CEP170B: variants seen among roughly 807,000 people sequenced by gnomAD.
CEP170B encodes the protein centrosomal protein 170B.
In CEP170B, 55 loss-of-function variants were observed where a neutral mutation model predicts 120.6. The ratio of observed to expected loss-of-function variants is 0.46; its 90% confidence interval spans 0.37 to 0.57. CEP170B has a LOEUF of 0.57. Ranked by LOEUF, CEP170B falls within the 20% of genes least tolerant of loss-of-function variation. The pLI, the probability that CEP170B is intolerant of heterozygous loss-of-function variation, is 0.00. For synonymous variants in CEP170B, 1,033 were observed against 954.5 expected, an observed-to-expected ratio of 1.08 and a Z score of -1.52; for missense variants, 2,212 against 2,253.3, an observed-to-expected ratio of 0.98 and a Z score of 0.37.
At chr14:104,889,129 C>T (rs977653596) in intron 12 of CEP170B, among the ~76,000 whole-genome samples, 5 of 152,180 alleles carry the variant, frequency 3.3e-5, no homozygotes, top group Non-Finnish European at 7.3e-5. Context: ...CTGGTCCTTG[C>T]CTGTCTGTGT....
Position 104,891,335 on chromosome 14 carries a change from G to C in CEP170B, c.3878+1577G>C, listed in dbSNP as rs1430958359. Among the ~76,000 whole-genome samples the C allele has an allele frequency of 9.2e-5, 14 of 151,948 alleles. No homozygotes were observed. The highest frequency in any genetic ancestry group is 9.2e-4 in the Admixed American group (14 of 15,252). On this transcript the variant is annotated intron_variant, in intron 13 of 18. Coordinates refer to ENST00000414716, the MANE Select transcript of CEP170B (RefSeq NM_001112726.3). The surrounding 1 kb of genome is among the most constrained non-coding windows in gnomAD (Gnocchi z 4.3). ...TCCCTGAAAGGCTGTGGGGCAGGCA[G>C]GGGGGGTCCCAGGACCAGGGTGGAT...
Position 104,883,374 on chromosome 14 carries a change from A to G in CEP170B, c.917A>G (p.Glu306Gly). ...RPPGKEATPG[E>G]MVSAETKVAD... ...CCGGGCAAGGAGGCCACACCTGGCG[A>G]GATGGTGTCGGCTGAGACCAAGGTG... Residue 306 changes from glutamate to glycine, a missense_variant, in exon 8 of 19, where the codon GAG becomes GGG. Around this residue, in one of 2 missense-constraint regions of CEP170B, gnomAD observed 2,166 missense variants for 2,166.7 expected, o/e 1.00. Transcript: ENST00000414716. 1 of 1,606,878 alleles carries G rather than the reference A, an allele frequency of 6.2e-7. No individual in the cohort carries two copies. The highest frequency in any genetic ancestry group is 2.2e-5 in the East Asian group (1 of 44,538).
Position 104,880,288 on chromosome 14 carries a change from A to G in CEP170B, c.335A>G (p.His112Arg). ...TCACCCCGCCTGGCCTGCCCACAGC[A>G]TGAAAAGTACACCAGCCAGCTGCAG... The part of the protein sequence containing the change: ...QHRVPEEALK[H>R]EKYTSQLQVS... The change falls in exon 6 of 19, where the codon CAT becomes CGT. Residue 112 changes from histidine to arginine, a missense_variant and splice_region_variant. By Grantham distance (29) the His-to-Arg change is conservative. Around this residue, in one of 2 missense-constraint regions of CEP170B, gnomAD observed 2,166 missense variants for 2,166.7 expected, o/e 1.00. Coordinates refer to ENST00000414716, the MANE Select transcript of CEP170B (RefSeq NM_001112726.3). 6.3e-7 allele frequency: 1 copy of G among 1,597,392 alleles called. No homozygotes were observed. Among genetic ancestry groups the G allele is most frequent in the Non-Finnish European group, 8.5e-7 (1 of 1,172,756 alleles).
rs1895294724 is a variant in CEP170B, at chr14:104,868,352, G to A, written c.-27-72G>A. On this transcript the variant is annotated intron_variant, in intron 1 of 18. Transcript: ENST00000414716. This position sits in a 1 kb window ranked among gnomAD's most constrained non-coding sequence, Gnocchi z 5.9. ...CCCTTAGAGGGTCAGGATCTGGGCT[G>A]GGCCTTGGATGTGTCCAGGGGGCTA... The A allele has an allele frequency of 4.7e-6, 5 of 1,067,666 alleles. No individual in the cohort carries two copies. The highest frequency in any genetic ancestry group is 6.8e-6 in the Non-Finnish European group (5 of 737,780). The allele number at this position is 1,067,666 out of a possible 1,614,324, so 66.1% of individuals were successfully genotyped here.
intron 8 of CEP170B, 56 bp from the exon 9 acceptor site, chr14:104,883,775 C>T (rs1896292816): frequency 1.0e-5 from 15 of 1,443,386 alleles, no homozygotes; most frequent in Middle Eastern, 2.3e-4. Context: ...TGCCTGAGAT[C>T]GACAGCTGTT....
At chr14:104,871,161 C>T (rs546863382) in intron 2 of CEP170B, among the ~76,000 whole-genome samples, 11 of 152,296 alleles carry the variant, frequency 7.2e-5, no homozygotes, top group East Asian at 5.8e-4. Flanking sequence ...CCTTTCCGAA[C>T]GCTGCTGCTT....
At chr14:104,878,040 A>C in intron 4 of CEP170B, 77 bp downstream of exon 4, 1 of 1,222,026 alleles carries the variant, frequency 8.2e-7, no homozygotes, top group Non-Finnish European at 1.2e-6. Flanking sequence ...TTACTCCAGA[A>C]GCAGGGCTGT....
Sources: allele counts gnomAD v4.1 joint callset (sites outside exome capture counted in the v4.1 genomes callset), GRCh38; gene constraint gnomAD v4.1.1; regional missense constraint gnomAD v4.1.1; non-coding constraint Gnocchi (gnomAD v3.1); transcripts MANE v1.5; gene names NCBI Gene and HGNC (gene_info 2026-07-23, HGNC 2026-07-21).